The following GADL1 variants were observed in gnomAD, a reference collection of about 807,000 sequenced individuals.
GADL1 encodes GAD like acidic amino acid decarboxylase 1.
In GADL1, 71 loss-of-function variants were observed where a neutral mutation model predicts 69.5. The ratio of observed to expected loss-of-function variants is 1.02; its 90% confidence interval spans 0.84 to 1.25. The LOEUF (loss-of-function observed/expected upper bound fraction) is 1.25. Among genes scored for constraint, GADL1 ranks in the 50% most tolerant of loss-of-function variants. The pLI is 0.00. For missense variants in GADL1, 737 were observed against 631.8 expected (o/e 1.17, Z -1.79); for synonymous variants, 254 against 214.4 (o/e 1.18, Z -1.62).
intron 6 of GADL1, among the ~76,000 whole-genome samples, chr3:30,849,705 T>G (rs546087755): frequency 6.6e-6 from 1 of 152,226 alleles, no homozygotes; most frequent in South Asian, 2.1e-4. Context: ...TACTAACAAA[T>G]AAGACATTCA....
At chr3:30,800,285 A>G (rs1351239042) in intron 12 of GADL1, 1 of 153,160 alleles carries the variant, frequency 6.5e-6, no homozygotes, top group Non-Finnish European at 1.5e-5. Flanking sequence ...CAGCAAGAGA[A>G]AACGAGGAAG....
chr3:30,753,538 C>T (rs9815999), intron 14 of GADL1, among the ~76,000 whole-genome samples: 59,879 of 147,286 alleles, frequency 0.41, 12,080 homozygotes, highest in East Asian at 0.51. Flanking sequence ...ATGAAAAATC[C>T]CTGTTCTTGC....
intron 8 of GADL1, among the ~76,000 whole-genome samples, chr3:30,842,165 G>T (rs964313685): frequency 6.6e-6 from 1 of 152,120 alleles, no homozygotes; most frequent in Admixed American, 6.5e-5. Context: ...TTGAATCCTT[G>T]ATTCAGACAA....
intron 14 of GADL1, among the ~76,000 whole-genome samples, chr3:30,758,311 T>C (rs1443318710): frequency 6.6e-6 from 1 of 152,206 alleles, no homozygotes; most frequent in Non-Finnish European, 1.5e-5. Context: ...AAAGAGCCCC[T>C]CCTTAGCTGA....
At chr3:30,875,407 A>C (rs1698564191) in intron 1 of GADL1, among the ~76,000 whole-genome samples, 1 of 151,814 alleles carries the variant, frequency 6.6e-6, no homozygotes, top group Non-Finnish European at 1.5e-5. Context: ...CCAAAATCTT[A>C]TCTCATTATA....
chr3:30,812,300 C>T (rs1312643196), intron 11 of GADL1, among the ~76,000 whole-genome samples: 2 of 152,230 alleles, frequency 1.3e-5, no homozygotes, highest in East Asian at 3.8e-4. Flanking sequence ...TTTTGCTTTG[C>T]TATGTATATT....
rs564504941 is a variant in GADL1 at position 30,858,100 on chromosome 3, T to C, written c.211-959A>G. Reference sequence around the variant, plus strand: ...TTACAAAGCACTTATCACCCTCTAATATACTGTTACTTATTGTATCCTACA... The same window carrying C: ...TTACAAAGCACTTATCACCCTCTAACATACTGTTACTTATTGTATCCTACA... On this transcript the variant is annotated intron_variant, in intron 2 of 14. Coordinates refer to ENST00000282538, the MANE Select transcript of GADL1 (RefSeq NM_207359.3). Among the ~76,000 whole-genome samples, 3 of 152,158 alleles carry C rather than the reference T, an allele frequency of 2.0e-5. No individual in the cohort carries two copies. In the South Asian group the frequency reaches 6.2e-4, roughly 32 times the overall value.
At chr3:30,819,575 C>T (rs1697535068) in intron 11 of GADL1, among the ~76,000 whole-genome samples, 1 of 152,146 alleles carries the variant, frequency 6.6e-6, no homozygotes, top group Admixed American at 6.6e-5. Context: ...CAAAATGGAA[C>T]TTAAGGAGCT....
At chr3:30,870,231 T>A (rs963374133) in intron 1 of GADL1, among the ~76,000 whole-genome samples, 3 of 151,702 alleles carry the variant, frequency 2.0e-5, no homozygotes, top group Admixed American at 2.0e-4. Flanking sequence ...CTTCATAGAA[T>A]AAGGACAAGG....
chr3:30,808,339 A>G (rs1170456196), intron 11 of GADL1, among the ~76,000 whole-genome samples: 2 of 152,062 alleles, frequency 1.3e-5, no homozygotes, highest in African/African-American at 4.8e-5. Flanking sequence ...TCTACTAAAA[A>G]TACAAAAATT....
chr3:30,768,963 CTT>C (rs917152183), intron 14 of GADL1, among the ~76,000 whole-genome samples: 6 of 152,118 alleles, frequency 3.9e-5, no homozygotes, highest in South Asian at 2.1e-4. Flanking sequence ...TGGAAAAAGT[CTT>C]TTCCTTTCAG....
rs527845876 is a variant in GADL1 at position 30,800,801 on chromosome 3, A to T, written c.1250+88T>A. 2,072 of 1,031,886 alleles carry T rather than the reference A, an allele frequency of 2.0e-3. 6 individuals carry two copies. Among genetic ancestry groups the T allele is most frequent in the Non-Finnish European group, 2.5e-3 (1,743 of 704,416 alleles). The allele number at this position is 1,031,886 out of a possible 1,614,324, so 63.9% of individuals were successfully genotyped here. On this transcript the variant is annotated intron_variant, in intron 12 of 14. Transcript: ENST00000282538. The stretch of plus-strand genomic sequence containing the variant: ...CCTTAGGTCTTCCTATTACAGACAC[A>T]GATAGACACACACACACACACACAC...
chr3:30,766,251 G>C (rs746109613), intron 14 of GADL1, among the ~76,000 whole-genome samples: 1 of 152,158 alleles, frequency 6.6e-6, no homozygotes, highest in African/African-American at 2.4e-5. Context: ...GATGAAAGCA[G>C]AGAGAAAATA....
chr3:30,760,311 C>T (rs1696096914), intron 14 of GADL1, among the ~76,000 whole-genome samples: 1 of 152,104 alleles, frequency 6.6e-6, no homozygotes, highest in Non-Finnish European at 1.5e-5. Context: ...TCTCTTTGTG[C>T]CTTATCAATA....
chr3:30,731,137 A>G (rs1214151926), intron 14 of GADL1, among the ~76,000 whole-genome samples: 1 of 152,218 alleles, frequency 6.6e-6, no homozygotes, highest in African/African-American at 2.4e-5. Context: ...ATGTCTAGCT[A>G]GAAGGGCCAC....
chr3:30,733,563 CTCTTT>C (rs1041974151), intron 14 of GADL1, among the ~76,000 whole-genome samples: 13 of 151,698 alleles, frequency 8.6e-5, no homozygotes, highest in East Asian at 1.9e-4. Context: ...GTAAAGTCAT[CTCTTT>C]TCTTTTCTTT....
At chr3:30,888,318 G>T (rs954422632) in intron 1 of GADL1, among the ~76,000 whole-genome samples, 2 of 152,118 alleles carry the variant, frequency 1.3e-5, no homozygotes, top group African/African-American at 2.4e-5. Context: ...TCATCTGGGT[G>T]GTGGTTACGA....
chr3:30,762,336 T>C (rs930256674), intron 14 of GADL1, among the ~76,000 whole-genome samples: 2 of 152,204 alleles, frequency 1.3e-5, no homozygotes, highest in Admixed American at 1.3e-4. Flanking sequence ...TAGTTCAATA[T>C]ATAAGGGTCC....
intron 8 of GADL1, among the ~76,000 whole-genome samples, chr3:30,839,466 C>T (rs937397819): frequency 2.9e-5 from 4 of 137,540 alleles, no homozygotes; most frequent in African/African-American, 1.2e-4. Context: ...CTAATTTCTT[C>T]CTGAAAAAAT....
Sources: allele counts gnomAD v4.1 joint callset (sites outside exome capture counted in the v4.1 genomes callset), GRCh38; gene constraint gnomAD v4.1.1; transcripts MANE v1.5; gene names NCBI Gene and HGNC (gene_info 2026-07-23, HGNC 2026-07-21).